Variants in PPP6R3 observed in about 807,000 individuals in gnomAD.
The protein encoded by PPP6R3 is protein phosphatase 6 regulatory subunit 3.
In PPP6R3, 38 loss-of-function variants were observed where a neutral mutation model predicts 110.7. The observed-to-expected ratio is 0.34, with a 90% CI of 0.26 to 0.45. The LOEUF (loss-of-function observed/expected upper bound fraction) is 0.45. Ranked by LOEUF, PPP6R3 falls within the 20% of genes least tolerant of loss-of-function variation. The pLI is 1.00. For synonymous variants in PPP6R3, 369 were observed against 373.5 expected, an observed-to-expected ratio of 0.99 and a Z score of 0.14; for missense variants, 870 against 1,062.4, an observed-to-expected ratio of 0.82 and a Z score of 2.52.
Position 68,600,512 on chromosome 11 carries a change from G to A in PPP6R3, c.2192+18G>A, listed in dbSNP as rs370345556. On this transcript the variant is annotated intron_variant, in intron 20 of 23. Coordinates refer to ENST00000393800, the MANE Select transcript of PPP6R3 (RefSeq NM_001164161.2). ...TCCCTGAGGTGAGCGAACATGTGCT[G>A]TCTCTACACCCTTCCACGGGGGACC... The A allele has an allele frequency of 6.2e-6, 10 of 1,610,436 alleles. No homozygotes were observed. Among genetic ancestry groups the A allele is most frequent in the African/African-American group, 4.0e-5 (3 of 74,726 alleles).
chr11:68,486,876 TA>T (rs2098951126), intron 1 of PPP6R3, among the ~76,000 whole-genome samples: 1 of 152,188 alleles, frequency 6.6e-6, no homozygotes, highest in African/African-American at 2.4e-5. Flanking sequence ...GAGCATAGAA[TA>T]GTTGATAATA....
chr11:68,614,617 C>CT lies in PPP6R3; in HGVS notation c.*1505dup. ...CTAATGCCTTATTATTTCTGATTTCCTTTTTCATTTTAAGTGGTGTGGAGA... is the reference window on the plus strand; with the variant it reads ...CTAATGCCTTATTATTTCTGATTTCCTTTTTTCATTTTAAGTGGTGTGGAGA... On this transcript the variant is annotated 3_prime_UTR_variant, in exon 24 of 24. Transcript: ENST00000393800. The CT allele has an allele frequency of 6.6e-7, 1 of 1,515,206 alleles. No homozygotes were observed. The highest frequency in any genetic ancestry group is 8.8e-7 in the Non-Finnish European group (1 of 1,138,874). 93.9% of individuals were successfully genotyped at this position (1,515,206 alleles called of 1,614,324 possible). A position where few individuals can be genotyped will look rare whatever the true frequency, so the allele number is the denominator to read the frequency against.
At chr11:68,516,510 A>T (rs1004680434) in intron 1 of PPP6R3, among the ~76,000 whole-genome samples, 1 of 152,234 alleles carries the variant, frequency 6.6e-6, no homozygotes, top group African/African-American at 2.4e-5. Flanking sequence ...ATGCAAAAAA[A>T]TTGAAATCTG....
chr11:68,519,732 GT>G, intron 2 of PPP6R3, 81 bp downstream of exon 2: 1 of 396,490 alleles, frequency 2.5e-6, no homozygotes, highest in East Asian at 3.6e-5. Flanking sequence ...AGACCCTGGA[GT>G]CTTAGCAAAC....
chr11:68,529,516 C>G (rs376678976), intron 2 of PPP6R3, among the ~76,000 whole-genome samples: 1 of 152,166 alleles, frequency 6.6e-6, no homozygotes, highest in Non-Finnish European at 1.5e-5. Context: ...CGCGCCCAGC[C>G]GGCATGCATC....
chr11:68,538,164 G>C (rs1405514006), intron 3 of PPP6R3, among the ~76,000 whole-genome samples: 1 of 152,240 alleles, frequency 6.6e-6, no homozygotes, highest in Non-Finnish European at 1.5e-5. Flanking sequence ...TCTCAAAATA[G>C]TAAGATGATT....
intron 12 of PPP6R3, among the ~76,000 whole-genome samples, chr11:68,573,116 A>ATT (rs1565932836): frequency 1.4e-4 from 3 of 21,916 alleles, no homozygotes; most frequent in African/African-American, 4.4e-4. Context: ...TACTTATTTT[A>ATT]TATATATATA....
At chr11:68,507,875 T>C (rs1032949890) in intron 1 of PPP6R3, among the ~76,000 whole-genome samples, 3 of 152,180 alleles carry the variant, frequency 2.0e-5, no homozygotes, top group Non-Finnish European at 2.9e-5. Context: ...TTTCCTCTTA[T>C]GAGTTTACAT....
At position 68,463,208 on chromosome 11, in the gene PPP6R3, A is replaced by G. The variant is rs554998553; in HGVS notation, c.-158+2381A>G. Among the ~76,000 whole-genome samples, 5 of 152,134 alleles carry G rather than the reference A, an allele frequency of 3.3e-5. No individual in the cohort carries two copies. In the South Asian group the frequency reaches 8.3e-4, roughly 25 times the overall value. On this transcript the variant is annotated intron_variant, in intron 1 of 23. Coordinates refer to ENST00000393800, the MANE Select transcript of PPP6R3 (RefSeq NM_001164161.2). Reference sequence around the variant, plus strand: ...AACATGTGAAACCTTGTCTCTATTAAAAATACAAAAATTAGTCGGTCATGG... The same window carrying G: ...AACATGTGAAACCTTGTCTCTATTAGAAATACAAAAATTAGTCGGTCATGG...
chr11:68,524,496 T>A (rs1317819638), intron 2 of PPP6R3, among the ~76,000 whole-genome samples: 1 of 152,168 alleles, frequency 6.6e-6, no homozygotes, highest in East Asian at 1.9e-4. Flanking sequence ...ACATTATTTA[T>A]CTGTTACTAT....
chr11:68,478,652 T>TTTTTTTTTTG (rs2098863338), intron 1 of PPP6R3, among the ~76,000 whole-genome samples: 2 of 108,296 alleles, frequency 1.8e-5, no homozygotes, highest in Middle Eastern at 4.2e-3. Context: ...GGTAAGTTTT[T>TTTTTTTTTTG]TTTTTTTTTT....
chr11:68,499,460 G>A (rs1353923091), intron 1 of PPP6R3, among the ~76,000 whole-genome samples: 1 of 152,152 alleles, frequency 6.6e-6, no homozygotes, highest in African/African-American at 2.4e-5. Context: ...CTGAGAGAGT[G>A]ATTCAAGAGA....
At position 68,558,573 on chromosome 11, in the gene PPP6R3, A is replaced by G. The variant is rs767592703; in HGVS notation, c.739A>G (p.Ile247Val). ...PLLATLEKQE[I>V]IEQLLSNIFH... ...ATTGATTTGTTTCCCTAGGCAAGAAATTATAGAGCAGCTTCTATCAAATAT... is the reference window on the plus strand; with the variant it reads ...ATTGATTTGTTTCCCTAGGCAAGAAGTTATAGAGCAGCTTCTATCAAATAT... Residue 247 changes from isoleucine to valine, a missense_variant, in exon 8 of 24, where the codon ATT becomes GTT. Coordinates refer to ENST00000393800, the MANE Select transcript of PPP6R3 (RefSeq NM_001164161.2). 13 of 1,610,052 alleles carry G rather than the reference A, an allele frequency of 8.1e-6. No homozygotes were observed. The highest frequency in any genetic ancestry group is 8.5e-6 in the Non-Finnish European group (10 of 1,177,206).
In PPP6R3 at chr11:68,614,895, G is replaced by T. The variant is rs771216559; in HGVS notation, c.*1778G>T. 2.4e-6 allele frequency: 2 copies of T among 831,304 alleles called. No homozygotes were observed. The highest frequency in any genetic ancestry group is 1.7e-5 in the African/African-American group (1 of 59,344). 51.5% of individuals were successfully genotyped at this position (831,304 alleles called of 1,614,324 possible). On this transcript the variant is annotated 3_prime_UTR_variant, in exon 24 of 24. Transcript: ENST00000393800. The stretch of plus-strand genomic sequence containing the variant: ...CTGGTAGATAATATGCTCTGGTCTC[G>T]CCTGGTGGTGAGTTTTGCCAGCCAT...
chr11:68,527,039 T>C (rs2153601204), intron 2 of PPP6R3, among the ~76,000 whole-genome samples: 1 of 152,348 alleles, frequency 6.6e-6, no homozygotes, highest in South Asian at 2.1e-4. Flanking sequence ...ACAGGGTGTA[T>C]ATATAGACAT....
At chr11:68,564,171 G>A in intron 8 of PPP6R3, 132 bp from the exon 9 acceptor site, 1 of 936,644 alleles carries the variant, frequency 1.1e-6, no homozygotes, top group Admixed American at 2.5e-5. Context: ...GCCTCATTAT[G>A]CTTTTTTCCT....
chr11:68,526,140 T>C (rs1279747064), intron 2 of PPP6R3, among the ~76,000 whole-genome samples: 1 of 152,228 alleles, frequency 6.6e-6, no homozygotes, highest in East Asian at 1.9e-4. Flanking sequence ...GTTTGACTCA[T>C]TTGTTCGCTC....
chr11:68,477,740 AAATATATATATATATAT>A (rs1446247518), intron 1 of PPP6R3, among the ~76,000 whole-genome samples: 1 of 70,634 alleles, frequency 1.4e-5, no homozygotes, highest in Non-Finnish European at 3.1e-5. Flanking sequence ...AAAAAAAAAA[AAATATATATATATATAT>A]ATATATATAT....
intron 1 of PPP6R3, among the ~76,000 whole-genome samples, chr11:68,476,340 G>C (rs1330879832): frequency 6.6e-6 from 1 of 152,058 alleles, no homozygotes; most frequent in Non-Finnish European, 1.5e-5. Flanking sequence ...GCGCACGCCT[G>C]CAATCGCAGG....
Sources: allele counts gnomAD v4.1 joint callset (sites outside exome capture counted in the v4.1 genomes callset), GRCh38; gene constraint gnomAD v4.1.1; transcripts MANE v1.5; gene names NCBI Gene and HGNC (gene_info 2026-07-23, HGNC 2026-07-21).